NUS1: variants seen among roughly 807,000 people sequenced by gnomAD.
NUS1 encodes dehydrodolichyl diphosphate synthase complex subunit NUS1.
For synonymous variants in NUS1, 135 were observed against 155.2 expected (o/e 0.87, Z 0.97); for missense variants, 292 against 382.9 (o/e 0.76, Z 1.98).
chr6:117,678,724 A>G (rs1482988359), intron 1 of NUS1, among the ~76,000 whole-genome samples: 1 of 122,866 alleles, frequency 8.1e-6, no homozygotes, highest in Non-Finnish European at 1.6e-5. Context: ...TCTGTCACCC[A>G]GGCTGGAGTG....
At position 117,675,692 on chromosome 6, in the gene NUS1, G is replaced by A. The variant is rs778592524; in HGVS notation, c.22G>A (p.Val8Met). Residue 8 changes from valine to methionine, a missense_variant, in exon 1 of 5, where the codon GTG becomes ATG. Val to Met is a conservative substitution (Grantham distance 21). Transcript: ENST00000368494. MTGLYEL[V>M]WRVLHALLCL... is the part of the protein sequence containing the mutation. ...GAGTATGACGGGGCTGTACGAGCTG[G>A]TGTGGCGGGTGCTGCACGCGCTGCT... 2 of 1,495,562 alleles carry A rather than the reference G, an allele frequency of 1.3e-6. No individual in the cohort carries two copies. Among genetic ancestry groups the A allele is most frequent in the Non-Finnish European group, 1.8e-6 (2 of 1,111,446 alleles). The allele number at this position is 1,495,562 out of a possible 1,614,324, so 92.6% of individuals were successfully genotyped here.
intron 3 of NUS1, among the ~76,000 whole-genome samples, chr6:117,696,219 A>G (rs546766572): frequency 6.6e-6 from 1 of 152,256 alleles, no homozygotes; most frequent in African/African-American, 2.4e-5. Flanking sequence ...AAGATAAGCT[A>G]TTTACAAATA....
Position 117,675,617 on chromosome 6 carries a change from T to C in NUS1, c.-54T>C. ...GGCCGCAGGGGCGGATAAAAAGCCG[T>C]CGCGCTGCGGGAGTGGGCGGGAGGG... On this transcript the variant is annotated 5_prime_UTR_variant, in exon 1 of 5. Transcript: ENST00000368494. The C allele has an allele frequency of 7.2e-7, 1 of 1,386,970 alleles. No homozygotes were observed. Among genetic ancestry groups the C allele is most frequent in the Non-Finnish European group, 9.7e-7 (1 of 1,027,086 alleles). The allele number at this position is 1,386,970 out of a possible 1,614,324, so 85.9% of individuals were successfully genotyped here.
rs569092721 is a variant in NUS1 at position 117,683,106 on chromosome 6, A to G, written c.415+7021A>G. 3.9e-5 allele frequency among the ~76,000 whole-genome samples: 6 copies of G among 152,304 alleles called. No individual in the cohort carries two copies. The East Asian group carries it at 1.2e-3, about 29-fold the overall frequency. ...TGTCAGGTGAGCAGATTCTGTAAATATATTCTCATTTTAAAAATGTCCAAC... is the reference window on the plus strand; with the variant it reads ...TGTCAGGTGAGCAGATTCTGTAAATGTATTCTCATTTTAAAAATGTCCAAC... On this transcript the variant is annotated intron_variant, in intron 1 of 4. Coordinates refer to ENST00000368494, the MANE Select transcript of NUS1 (RefSeq NM_138459.5).
At chr6:117,691,497 A>C (rs1482536933) in intron 1 of NUS1, among the ~76,000 whole-genome samples, 1 of 149,862 alleles carries the variant, frequency 6.7e-6, no homozygotes, top group Non-Finnish European at 1.5e-5. Context: ...ACTGTTACAC[A>C]TATACTTCTG....
chr6:117,677,610 G>A (rs1773002955), intron 1 of NUS1, among the ~76,000 whole-genome samples: 1 of 152,218 alleles, frequency 6.6e-6, no homozygotes, highest in South Asian at 2.1e-4. Flanking sequence ...GGAAGGCATA[G>A]GCCAGACAGT....
At chr6:117,681,867 CTG>C (rs1226818586) in intron 1 of NUS1, among the ~76,000 whole-genome samples, 1 of 152,218 alleles carries the variant, frequency 6.6e-6, no homozygotes, top group Non-Finnish European at 1.5e-5. Flanking sequence ...GAGTCTGGCT[CTG>C]TCGCCCAGGC....
In NUS1 at chr6:117,707,208, C is replaced by T. The variant is rs1345389405; in HGVS notation, c.*193C>T. On this transcript the variant is annotated 3_prime_UTR_variant, in exon 5 of 5. Coordinates refer to ENST00000368494, the MANE Select transcript of NUS1 (RefSeq NM_138459.5). ...GCGTGTGCACGTGCACACATGTGCA[C>T]GTTTGTATGTATGGAAATAAACTTA... The T allele has an allele frequency of 8.1e-5, 42 of 520,066 alleles. No individual in the cohort carries two copies. The highest frequency in any genetic ancestry group is 1.3e-4 in the Non-Finnish European group (38 of 285,580). 32.2% of individuals were successfully genotyped at this position (520,066 alleles called of 1,614,324 possible).
At chr6:117,697,675 TAAAG>T (rs753930173) in intron 3 of NUS1, among the ~76,000 whole-genome samples, 6 of 151,298 alleles carry the variant, frequency 4.0e-5, no homozygotes, top group African/African-American at 7.3e-5. Flanking sequence ...TTAATAGAGC[TAAAG>T]AAAGAGAGAG....
In NUS1 at chr6:117,703,787, T is replaced by C. The variant is rs1317365953; in HGVS notation, c.791+83T>C. ...AGCACTGTACTAGATCTGGTGGGGA[T>C]TTCCAAAGAATTATAATACTGGATC... On this transcript the variant is annotated intron_variant, in intron 4 of 4. Transcript: ENST00000368494. 3.3e-5 allele frequency: 31 copies of C among 935,504 alleles called. No homozygotes were observed. The East Asian group carries it at 7.2e-4, about 22-fold the overall frequency. The allele number at this position is 935,504 out of a possible 1,614,324, so 58.0% of individuals were successfully genotyped here.
At position 117,710,393 on chromosome 6, in the gene NUS1, A is replaced by G. The variant is rs1773558792; in HGVS notation, c.*3378A>G. 6.6e-6 allele frequency: 1 copy of G among 152,154 alleles called. No homozygotes were observed. The highest frequency in any genetic ancestry group is 1.5e-5 in the Non-Finnish European group (1 of 67,996). 9.4% of individuals were successfully genotyped at this position (152,154 alleles called of 1,614,324 possible). A position where few individuals can be genotyped will look rare whatever the true frequency, so the allele number is the denominator to read the frequency against. On this transcript the variant is annotated 3_prime_UTR_variant, in exon 5 of 5. Coordinates refer to ENST00000368494, the MANE Select transcript of NUS1 (RefSeq NM_138459.5). Reference sequence around the variant, plus strand: ...CAAGATTAATGTGAGCAGTTCTCCAAGATCCTAACTGGTGGGACATAAACT... The same window carrying G: ...CAAGATTAATGTGAGCAGTTCTCCAGGATCCTAACTGGTGGGACATAAACT...
At chr6:117,697,773 A>G (rs977252544) in intron 3 of NUS1, among the ~76,000 whole-genome samples, 1 of 152,086 alleles carries the variant, frequency 6.6e-6, no homozygotes, top group African/African-American at 2.4e-5. Flanking sequence ...AATCAACAAG[A>G]AACATTGAAC....
At chr6:117,703,728 C>G (rs766022781) in intron 4 of NUS1, 24 bp downstream of exon 4, 2 of 1,521,718 alleles carry the variant, frequency 1.3e-6, no homozygotes, top group East Asian at 4.5e-5. Context: ...AGCGTACTGA[C>G]TTTGTTTAGA....
rs1469405262 is a variant in NUS1 at position 117,675,569 on chromosome 6, G to C, written c.-102G>C. ...GGGGTTCGGGCTCGGGGGGCGGGGG[G>C]ACGCGGAGCGATGGCCCGCGCCGGC... is the stretch of plus-strand genomic sequence containing the variant. On this transcript the variant is annotated 5_prime_UTR_variant, in exon 1 of 5. Transcript: ENST00000368494. 8.2e-7 allele frequency: 1 copy of C among 1,226,668 alleles called. No individual in the cohort carries two copies. The highest frequency in any genetic ancestry group is 1.1e-6 in the Non-Finnish European group (1 of 883,986). 76.0% of individuals were successfully genotyped at this position (1,226,668 alleles called of 1,614,324 possible). A position where few individuals can be genotyped will look rare whatever the true frequency, so the allele number is the denominator to read the frequency against.
At chr6:117,688,559 A>T (rs1022264541) in intron 1 of NUS1, among the ~76,000 whole-genome samples, 4 of 151,990 alleles carry the variant, frequency 2.6e-5, no homozygotes, top group Non-Finnish European at 5.9e-5. Flanking sequence ...GTCCTCTTCC[A>T]GTCTTGTTCT....
At chr6:117,699,579 G>C (rs1348631969) in intron 3 of NUS1, among the ~76,000 whole-genome samples, 2 of 151,996 alleles carry the variant, frequency 1.3e-5, no homozygotes, top group African/African-American at 2.4e-5. Context: ...AAAGCAATCT[G>C]CAGTCAATGC....
intron 1 of NUS1, among the ~76,000 whole-genome samples, chr6:117,690,632 C>T (rs1018900065): frequency 1.7e-4 from 26 of 152,112 alleles, no homozygotes; most frequent in African/African-American, 5.6e-4. Flanking sequence ...TTTCTATCAT[C>T]GGCTGTCTAA....
chr6:117,690,246 C>T (rs2114684652), intron 1 of NUS1, among the ~76,000 whole-genome samples: 1 of 152,092 alleles, frequency 6.6e-6, no homozygotes, highest in Middle Eastern at 3.4e-3. Flanking sequence ...TTTATATTTC[C>T]ACGCTTAGAG....
In NUS1 at chr6:117,699,952, G is replaced by A. The variant is rs551890595; in HGVS notation, c.692-3653G>A. 1.8e-4 allele frequency among the ~76,000 whole-genome samples: 28 copies of A among 152,156 alleles called. No individual in the cohort carries two copies. In the South Asian group the frequency reaches 5.2e-3, roughly 28 times the overall value. On this transcript the variant is annotated intron_variant, in intron 3 of 4. Coordinates refer to ENST00000368494, the MANE Select transcript of NUS1 (RefSeq NM_138459.5). The stretch of plus-strand genomic sequence containing the variant: ...ATGGTACAGGGAAAACTGGATATCC[G>A]CATGGAAAATAATGAAACTAGAACC...
Sources: gnomAD v4.1 joint callset for allele counts (sites outside exome capture counted in the v4.1 genomes callset) on GRCh38, gnomAD v4.1.1 for gene constraint, MANE v1.5 for transcripts, NCBI Gene and HGNC (gene_info 2026-07-23, HGNC 2026-07-21) for gene names.